Variants in RBFOX1 observed in about 807,000 individuals in gnomAD.
RBFOX1 encodes the protein RNA binding protein fox-1 homolog 1.
A neutral mutation model predicts 57.7 loss-of-function variants in RBFOX1; 8 were observed. The ratio of observed to expected loss-of-function variants is 0.14; its 90% CI spans 0.08 to 0.25. The LOEUF (loss-of-function observed/expected upper bound fraction) is 0.25. Among genes scored for constraint, RBFOX1 ranks in the 10% least tolerant of loss-of-function variants. The pLI, the probability that RBFOX1 is intolerant of heterozygous loss-of-function variation, is 1.00. For missense variants in RBFOX1, 611 were observed against 548.5 expected (o/e 1.11, Z -1.14); for synonymous variants, 326 against 222.4 (o/e 1.47, Z -4.15).
chr16:7,157,280 C>A (rs574304077), intron 4 of RBFOX1, among the ~76,000 whole-genome samples: 1 of 152,140 alleles, frequency 6.6e-6, no homozygotes, highest in Admixed American at 6.6e-5. Context: ...GGGAAGAAGA[C>A]CATATGCTTG....
intron 4 of RBFOX1, among the ~76,000 whole-genome samples, chr16:5,878,978 G>A (rs575596320): frequency 3.0e-4 from 45 of 152,290 alleles, no homozygotes; most frequent in African/African-American, 7.9e-4. Context: ...TTTGAAATGT[G>A]TTAAGTTACA....
intron 3 of RBFOX1, among the ~76,000 whole-genome samples, chr16:6,744,256 A>G (rs569271171): frequency 6.6e-6 from 1 of 152,276 alleles, no homozygotes; most frequent in Non-Finnish European, 1.5e-5. Context: ...AAATAGCCAA[A>G]TATTTCAGTG....
intron 2 of RBFOX1, among the ~76,000 whole-genome samples, chr16:6,626,196 C>T: frequency 6.7e-6 from 1 of 148,762 alleles, no homozygotes. Flanking sequence ...TGACCTTCTG[C>T]TGTCCATCAG....
Position 5,901,617 on chromosome 16 carries a change from C to T in RBFOX1, c.351+34282C>T, listed in dbSNP as rs115073105. ...AGCCCCATTTCAAGCAGTCAGAGGCCTCATGGAGCTCAAGGCTGCCATATT... is the reference window on the plus strand; with the variant it reads ...AGCCCCATTTCAAGCAGTCAGAGGCTTCATGGAGCTCAAGGCTGCCATATT... On this transcript the variant is annotated intron_variant, in intron 4 of 19. Coordinates refer to the RBFOX1 transcript ENST00000641259. Among the ~76,000 whole-genome samples the T allele has an allele frequency of 2.1e-3, 317 of 152,248 alleles. 3 individuals are homozygous for T. Among genetic ancestry groups the T allele is most frequent in the African/African-American group, 7.3e-3 (305 of 41,536 alleles).
Position 7,009,600 on chromosome 16 carries a change from C to A in RBFOX1, c.-15-42457C>A, listed in dbSNP as rs368755785. Among the ~76,000 whole-genome samples, 3 of 152,186 alleles carry A rather than the reference C, an allele frequency of 2.0e-5. No homozygotes were observed. The South Asian group carries it at 6.2e-4, about 32-fold the overall frequency. On this transcript the variant is annotated intron_variant, in intron 3 of 15. Transcript: ENST00000550418. ...GTAACGATGCCACATCCAGCTAATCCAATAATGGAGAAGCTGATGTATAGC... is the reference window on the plus strand; with the variant it reads ...GTAACGATGCCACATCCAGCTAATCAAATAATGGAGAAGCTGATGTATAGC...
intron 2 of RBFOX1, among the ~76,000 whole-genome samples, chr16:5,502,664 C>T (rs940137836): frequency 2.6e-5 from 4 of 152,128 alleles, no homozygotes; most frequent in African/African-American, 4.8e-5. Flanking sequence ...GGCTGGGAGT[C>T]GAAGGGGTTA....
chr16:7,172,640 C>T (rs909115954), intron 4 of RBFOX1, among the ~76,000 whole-genome samples: 1 of 152,154 alleles, frequency 6.6e-6, no homozygotes, highest in Admixed American at 6.6e-5. Context: ...TGGGAACACA[C>T]ATCATGCCAA....
rs1378707532 is a variant in RBFOX1, at chr16:7,711,749, TGTTA to T, written c.*1006_*1009del. The T allele has an allele frequency of 6.6e-6, 1 of 152,626 alleles. No homozygotes were observed. Among genetic ancestry groups the T allele is most frequent in the Non-Finnish European group, 1.5e-5 (1 of 68,032 alleles). 9.5% of individuals were successfully genotyped at this position (152,626 alleles called of 1,614,324 possible). A position where few individuals can be genotyped will look rare whatever the true frequency, so the allele number is the denominator to read the frequency against. The stretch of plus-strand genomic sequence containing the variant: ...TTTAGTTTTAGCCTAGTAGAACAAC[TGTTA>T]GAGACAGACGTATAATTTTTATGGA... On this transcript the variant is annotated 3_prime_UTR_variant, in exon 16 of 16. Coordinates refer to ENST00000550418, the MANE Select transcript of RBFOX1 (RefSeq NM_018723.4).
intron 4 of RBFOX1, among the ~76,000 whole-genome samples, chr16:7,461,571 T>A (rs1404914364): frequency 6.6e-6 from 1 of 152,210 alleles, no homozygotes. Context: ...GAACTTAGAA[T>A]TGACATTCAG....
intron 4 of RBFOX1, among the ~76,000 whole-genome samples, chr16:7,197,768 C>T (rs1044435520): frequency 5.3e-5 from 8 of 152,090 alleles, no homozygotes; most frequent in Non-Finnish European, 1.0e-4. Context: ...AGTACTGATA[C>T]ATGCTACAAT....
rs1318117404 is a variant in RBFOX1, at chr16:6,885,757, C to T, written c.-15-166300C>T. 3.9e-5 allele frequency among the ~76,000 whole-genome samples: 6 copies of T among 152,262 alleles called. No individual in the cohort carries two copies. The South Asian group carries it at 8.3e-4, about 21-fold the overall frequency. The stretch of plus-strand genomic sequence containing the variant: ...AGGTTGGACAGGCTGGTCTCGAACT[C>T]ATGCCTCAGGTGATTCACCTGCCTT... On this transcript the variant is annotated intron_variant, in intron 3 of 15. Transcript: ENST00000550418.
chr16:5,411,271 A>G (rs1043374863), intron 1 of RBFOX1, among the ~76,000 whole-genome samples: 1 of 152,192 alleles, frequency 6.6e-6, no homozygotes, highest in African/African-American at 2.4e-5. Context: ...TTGAGATGGG[A>G]GGTCATCCTG....
At chr16:5,303,696 C>T in intron 1 of RBFOX1, among the ~76,000 whole-genome samples, 1 of 151,976 alleles carries the variant, frequency 6.6e-6, no homozygotes. Context: ...AATTATTGTT[C>T]ACTCCATTCC....
chr16:6,451,573 C>T (rs1409869256), intron 2 of RBFOX1, among the ~76,000 whole-genome samples: 1 of 152,140 alleles, frequency 6.6e-6, no homozygotes, highest in Admixed American at 6.5e-5. Flanking sequence ...GTAGGTATTA[C>T]CACCTTCACC....
intron 4 of RBFOX1, among the ~76,000 whole-genome samples, chr16:7,393,750 G>GGA (rs948338673): frequency 5.3e-5 from 8 of 152,172 alleles, no homozygotes; most frequent in Admixed American, 3.3e-4. Context: ...GTGTCCCCCA[G>GGA]GAAGGGGTGG....
chr16:5,273,813 G>A (rs1042814796), intron 1 of RBFOX1, among the ~76,000 whole-genome samples: 1 of 152,124 alleles, frequency 6.6e-6, no homozygotes, highest in Non-Finnish European at 1.5e-5. Context: ...AGAGTTCGGG[G>A]GATGTAGTTC....
chr16:5,952,144 GT>G (rs2059534131), intron 4 of RBFOX1, among the ~76,000 whole-genome samples: 3 of 148,610 alleles, frequency 2.0e-5, no homozygotes, highest in Admixed American at 2.0e-4. Context: ...TATAGGTTTT[GT>G]TTTTTGGTTT....
At chr16:7,619,535 A>G (rs1028991252) in intron 10 of RBFOX1, among the ~76,000 whole-genome samples, 1 of 152,150 alleles carries the variant, frequency 6.6e-6, no homozygotes, top group African/African-American at 2.4e-5. Context: ...ATTCAAGATG[A>G]AGGATCTCAT....
chr16:6,171,267 A>C (rs145047089), intron 1 of RBFOX1, among the ~76,000 whole-genome samples: 124 of 152,328 alleles, frequency 8.1e-4, no homozygotes, highest in African/African-American at 2.7e-3. Context: ...ATGTCAACAT[A>C]TCAATCTATA....
Sources: allele counts gnomAD v4.1 joint callset (sites outside exome capture counted in the v4.1 genomes callset), GRCh38; gene constraint gnomAD v4.1.1; transcripts MANE v1.5; gene names NCBI Gene and HGNC (gene_info 2026-07-23, HGNC 2026-07-21).